Variants in ROBO1 observed in about 807,000 individuals in gnomAD.
The protein encoded by ROBO1 is roundabout guidance receptor 1.
Under a neutral mutation model 195.9 loss-of-function variants are expected in ROBO1, and 149 were observed. The observed-to-expected ratio is 0.76, with a 90% CI of 0.67 to 0.87. The LOEUF is 0.87. Among genes scored for constraint, ROBO1 ranks in the 40% least tolerant of loss-of-function variants. The pLI is 0.00. For synonymous variants in ROBO1, 816 were observed against 733.2 expected (o/e 1.11, Z -1.82); for missense variants, 1,933 against 2,068.3 (o/e 0.93, Z 1.27).
chr3:79,300,453 C>T (rs2109057634), intron 2 of ROBO1, among the ~76,000 whole-genome samples: 1 of 152,342 alleles, frequency 6.6e-6, no homozygotes, highest in South Asian at 2.1e-4. Context: ...AGCTGCCTTC[C>T]CGCGGGGCAG....
chr3:78,711,445 TTCCTTCC>T (rs1559774160), intron 8 of ROBO1, among the ~76,000 whole-genome samples: 2,649 of 104,684 alleles, frequency 0.025, 250 homozygotes, highest in South Asian at 0.034. Flanking sequence ...CTTTCTTTCC[TTCCTTCC>T]TTCCTTCCTT....
chr3:79,425,137 A>G (rs1167444577), intron 2 of ROBO1, among the ~76,000 whole-genome samples: 1 of 152,168 alleles, frequency 6.6e-6, no homozygotes, highest in Non-Finnish European at 1.5e-5. Context: ...CAATAAATGC[A>G]TATGACTATT....
At chr3:79,058,150 C>T (rs529744986) in intron 3 of ROBO1, among the ~76,000 whole-genome samples, 10 of 152,092 alleles carry the variant, frequency 6.6e-5, no homozygotes, top group East Asian at 5.8e-4. Flanking sequence ...TTTGAGGCCC[C>T]ATCTAAAACT....
intron 3 of ROBO1, among the ~76,000 whole-genome samples, chr3:79,114,796 A>T (rs969423982): frequency 3.9e-5 from 6 of 152,164 alleles, no homozygotes; most frequent in Non-Finnish European, 7.3e-5. Flanking sequence ...CATATTCCAC[A>T]TCTGGGTGAG....
At chr3:79,347,950 G>T (rs2035187750) in intron 2 of ROBO1, among the ~76,000 whole-genome samples, 1 of 152,086 alleles carries the variant, frequency 6.6e-6, no homozygotes, top group Non-Finnish European at 1.5e-5. Context: ...AGTGGCTCAT[G>T]CCTGTAATCC....
At position 79,302,400 on chromosome 3, in the gene ROBO1, T is replaced by G. The variant is rs1022076119; in HGVS notation, c.89-176861A>C. On this transcript the variant is annotated intron_variant, in intron 2 of 30. Transcript: ENST00000464233. The stretch of plus-strand genomic sequence containing the variant: ...TTTGTTTCTATTTGGTCCATGATGA[T>G]TTTAGGGATAGGTATGTCATAAGTG... 4.6e-4 allele frequency among the ~76,000 whole-genome samples: 70 copies of G among 152,204 alleles called. 1 individual carries two copies. Among genetic ancestry groups the G allele is most frequent in the Non-Finnish European group, 4.0e-4 (27 of 68,044 alleles).
intron 2 of ROBO1, among the ~76,000 whole-genome samples, chr3:79,540,357 C>T (rs773304331): frequency 6.6e-6 from 1 of 152,058 alleles, no homozygotes; most frequent in South Asian, 2.1e-4. Flanking sequence ...CCCCTGTACA[C>T]ATTAAGTGAA....
intron 2 of ROBO1, among the ~76,000 whole-genome samples, chr3:79,362,687 T>G (rs981083784): frequency 3.9e-5 from 6 of 152,180 alleles, no homozygotes; most frequent in Non-Finnish European, 8.8e-5. Flanking sequence ...CCAGCTGAAA[T>G]TCTGCCTTTT....
chr3:79,501,591 C>CCTAG (rs1161779390), intron 2 of ROBO1, among the ~76,000 whole-genome samples: 2 of 152,144 alleles, frequency 1.3e-5, no homozygotes. Context: ...GGGTTGCCTC[C>CCTAG]CTAGCTATCA....
chr3:78,670,450 A>C (rs1708003752), intron 10 of ROBO1, 149 bp from the exon 11 acceptor site: 4 of 648,088 alleles, frequency 6.2e-6, no homozygotes, highest in Admixed American at 2.8e-5. Flanking sequence ...TTCAAAATGC[A>C]TTTATATGAT....
At chr3:78,692,763 A>G (rs2081203689) in intron 8 of ROBO1, 1 of 152,234 alleles carries the variant, frequency 6.6e-6, no homozygotes, top group Non-Finnish European at 1.5e-5. Context: ...ATGGGGACAA[A>G]TGTTTATCAA....
intron 2 of ROBO1, among the ~76,000 whole-genome samples, chr3:79,304,800 A>C (rs200027775): frequency 6.6e-6 from 1 of 152,194 alleles, no homozygotes; most frequent in Non-Finnish European, 1.5e-5. Context: ...AACCATGTAC[A>C]TTTGTAAACA....
chr3:79,636,262 C>T (rs773418470), intron 1 of ROBO1, among the ~76,000 whole-genome samples: 2 of 152,014 alleles, frequency 1.3e-5, no homozygotes, highest in East Asian at 1.9e-4. Context: ...ATTGTCTTGT[C>T]GAATACATGG....
intron 2 of ROBO1, among the ~76,000 whole-genome samples, chr3:79,320,045 C>G (rs1029229363): frequency 6.6e-6 from 1 of 152,142 alleles, no homozygotes; most frequent in Non-Finnish European, 1.5e-5. Context: ...TATGTAATGT[C>G]TTAATCAGTT....
intron 2 of ROBO1, among the ~76,000 whole-genome samples, chr3:79,237,997 T>C (rs1211960533): frequency 6.6e-6 from 1 of 152,210 alleles, no homozygotes; most frequent in Non-Finnish European, 1.5e-5. Context: ...CTACATGGAT[T>C]GTGCCATTTG....
chr3:78,607,545 T>C lies in ROBO1; in HGVS notation c.4436-504A>G, dbSNP rs146629460. On this transcript the variant is annotated intron_variant, in intron 28 of 30. Transcript: ENST00000464233. ...ACACTTTTAATGTACTCTTGTTATC[T>C]AGCACAGAACCATTGAATGACAAAG... Among the ~76,000 whole-genome samples the C allele has an allele frequency of 9.8e-4, 150 of 152,340 alleles. 1 individual carries two copies. The East Asian group carries it at 0.014, about 15-fold the overall frequency.
At chr3:79,599,854 A>C (rs1560027028) in intron 1 of ROBO1, among the ~76,000 whole-genome samples, 1 of 152,022 alleles carries the variant, frequency 6.6e-6, no homozygotes. Flanking sequence ...CATTTTAAAA[A>C]ATGATCTAAT....
intron 14 of ROBO1, among the ~76,000 whole-genome samples, chr3:78,667,167 T>A (rs1255334682): frequency 1.3e-5 from 2 of 152,068 alleles, no homozygotes; most frequent in Non-Finnish European, 2.9e-5. Flanking sequence ...TAAATAAAAT[T>A]TGGTTAATTT....
intron 4 of ROBO1, among the ~76,000 whole-genome samples, chr3:78,899,489 C>T (rs1273135946): frequency 6.6e-6 from 1 of 152,106 alleles, no homozygotes; most frequent in Non-Finnish European, 1.5e-5. Flanking sequence ...TTAGTTCTAA[C>T]TTATATAATC....
Sources: gnomAD v4.1 joint callset for allele counts (sites outside exome capture counted in the v4.1 genomes callset) on GRCh38, gnomAD v4.1.1 for gene constraint, MANE v1.5 for transcripts, NCBI Gene and HGNC (gene_info 2026-07-23, HGNC 2026-07-21) for gene names.